CADM2: variants seen among roughly 807,000 people sequenced by gnomAD.
CADM2 encodes the protein immunoglobulin superfamily member 4D.
CADM2 carries 12 observed loss-of-function variants against 49.8 expected under a neutral mutation model. The ratio of observed to expected loss-of-function variants is 0.24; its 90% CI spans 0.15 to 0.39. The LOEUF is 0.39. Among genes scored for constraint, CADM2 ranks in the 10% least tolerant of loss-of-function variants. CADM2 has a pLI of 1.00. For synonymous variants in CADM2, 214 were observed against 175.4 expected (o/e 1.22, Z -1.74); for missense variants, 378 against 492.3 (o/e 0.77, Z 2.20).
chr3:85,782,175 C>T (rs1003609702), intron 2 of CADM2, among the ~76,000 whole-genome samples: 1 of 152,156 alleles, frequency 6.6e-6, no homozygotes, highest in African/African-American at 2.4e-5. Context: ...TGTGCTTATG[C>T]ACTTTGCTAT....
chr3:85,819,364 A>G (rs2073410980), intron 3 of CADM2, among the ~76,000 whole-genome samples: 1 of 152,152 alleles, frequency 6.6e-6, no homozygotes, highest in Non-Finnish European at 1.5e-5. Flanking sequence ...AGAAAACAAC[A>G]ATAATTTGCA....
intron 1 of CADM2, among the ~76,000 whole-genome samples, chr3:85,592,296 TGATA>T (rs1159171436): frequency 6.6e-6 from 1 of 151,964 alleles, no homozygotes; most frequent in Non-Finnish European, 1.5e-5. Context: ...AAAAAGAATT[TGATA>T]GACTGAAGAT....
At chr3:85,371,661 ATG>A (rs760996256) in intron 1 of CADM2, among the ~76,000 whole-genome samples, 3 of 53,476 alleles carry the variant, frequency 5.6e-5, no homozygotes, top group African/African-American at 1.8e-4. Context: ...ATATATATAT[ATG>A]TGTGTGTGTG....
intron 1 of CADM2, among the ~76,000 whole-genome samples, chr3:85,477,709 G>A (rs898581815): frequency 4.0e-5 from 6 of 151,792 alleles, no homozygotes; most frequent in Admixed American, 4.0e-4. Flanking sequence ...GATCTTGTTT[G>A]CACAATCTAG....
At chr3:85,753,213 A>T (rs1026380525) in intron 2 of CADM2, among the ~76,000 whole-genome samples, 1 of 152,098 alleles carries the variant, frequency 6.6e-6, no homozygotes, top group Admixed American at 6.6e-5. Flanking sequence ...TATTTTTTTC[A>T]AATGCTATGG....
chr3:85,490,691 C>G lies in CADM2; in HGVS notation c.62-235831C>G, dbSNP rs368117602. ...CAAAAGTTGGCTGTGTTTAAATGAC[C>G]CACTGTTATTACTGATATTTAACAT... is the stretch of plus-strand genomic sequence containing the variant. On this transcript the variant is annotated intron_variant, in intron 1 of 9. Transcript: ENST00000383699. Among the ~76,000 whole-genome samples the G allele has an allele frequency of 2.0e-4, 31 of 152,076 alleles. No homozygotes were observed. The East Asian group carries it at 4.8e-3, about 24-fold the overall frequency.
chr3:84,977,537 A>G (rs973256325), intron 1 of CADM2, among the ~76,000 whole-genome samples: 5 of 152,050 alleles, frequency 3.3e-5, no homozygotes, highest in African/African-American at 1.2e-4. Flanking sequence ...TAAAATTAAT[A>G]CTTGAGTCTG....
chr3:85,463,092 A>C (rs1159286754), intron 1 of CADM2, among the ~76,000 whole-genome samples: 1 of 152,164 alleles, frequency 6.6e-6, no homozygotes, highest in African/African-American at 2.4e-5. Context: ...ATTCTTATAC[A>C]TAGCAAGTTT....
At chr3:85,155,968 A>C (rs2040102804) in intron 1 of CADM2, among the ~76,000 whole-genome samples, 2 of 152,174 alleles carry the variant, frequency 1.3e-5, no homozygotes, top group South Asian at 4.1e-4. Context: ...TATAGCACTA[A>C]ATGCCCACAA....
intron 1 of CADM2, among the ~76,000 whole-genome samples, chr3:85,576,801 A>G (rs970843135): frequency 6.6e-6 from 1 of 152,208 alleles, no homozygotes; most frequent in East Asian, 1.9e-4. Flanking sequence ...TCTTAAAACT[A>G]TTACTACAGC....
chr3:85,288,792 C>CCT (rs2043701820), intron 1 of CADM2, among the ~76,000 whole-genome samples: 1 of 135,334 alleles, frequency 7.4e-6, no homozygotes, highest in South Asian at 2.8e-4. Flanking sequence ...ATGCCCCCCC[C>CCT]CCCTCTTTTT....
chr3:85,321,091 C>CATATATATATATATAT (rs1227890094), intron 1 of CADM2, among the ~76,000 whole-genome samples: 19 of 64,758 alleles, frequency 2.9e-4, no homozygotes, highest in African/African-American at 5.4e-4. Flanking sequence ...TAGATATATA[C>CATATATATATATATAT]ATATATATAT....
chr3:85,781,974 A>C (rs2070677020), intron 2 of CADM2, among the ~76,000 whole-genome samples: 1 of 152,236 alleles, frequency 6.6e-6, no homozygotes, highest in Non-Finnish European at 1.5e-5. Context: ...AACATTTTTT[A>C]GCCACTTATG....
chr3:85,448,362 C>G (rs1405024487), intron 1 of CADM2, among the ~76,000 whole-genome samples: 1 of 149,960 alleles, frequency 6.7e-6, no homozygotes, highest in Non-Finnish European at 1.5e-5. Context: ...AAAATCCTAG[C>G]AAATATATCT....
chr3:85,813,399 GT>G (rs1446792782), intron 3 of CADM2, among the ~76,000 whole-genome samples: 1 of 151,936 alleles, frequency 6.6e-6, no homozygotes, highest in East Asian at 1.9e-4. Flanking sequence ...GGGGTTGTTT[GT>G]TTTTTTCTTA....
rs1040231178 is a variant in CADM2, at chr3:85,068,484, A to G, written c.61+108816A>G. Among the ~76,000 whole-genome samples the G allele has an allele frequency of 2.6e-5, 4 of 152,266 alleles. No homozygotes were observed. In the East Asian group the frequency reaches 7.7e-4, roughly 29 times the overall value. On this transcript the variant is annotated intron_variant, in intron 1 of 9. Coordinates refer to ENST00000383699, the MANE Select transcript of CADM2 (RefSeq NM_001167675.2). Reference sequence around the variant, plus strand: ...GAGGTTGAAGTTTAAACTGGAAAAAACAAAGTTGGGACTTAGAACATTGAG... The same window carrying G: ...GAGGTTGAAGTTTAAACTGGAAAAAGCAAAGTTGGGACTTAGAACATTGAG...
intron 1 of CADM2, among the ~76,000 whole-genome samples, chr3:85,594,646 T>A (rs1412095876): frequency 6.6e-6 from 1 of 151,952 alleles, no homozygotes; most frequent in South Asian, 2.1e-4. Flanking sequence ...GTATAAGAAA[T>A]ACATATGTGA....
chr3:85,669,486 G>A (rs973839609), intron 1 of CADM2, among the ~76,000 whole-genome samples: 2 of 152,114 alleles, frequency 1.3e-5, no homozygotes, highest in African/African-American at 4.8e-5. Context: ...AATTATACTT[G>A]CATTCTTGAA....
At chr3:85,836,903 G>A (rs554265320) in intron 3 of CADM2, among the ~76,000 whole-genome samples, 1 of 151,684 alleles carries the variant, frequency 6.6e-6, no homozygotes, top group East Asian at 1.9e-4. Context: ...TCAGATAACA[G>A]GCAAAGTTAT....
Sources: allele counts gnomAD v4.1 joint callset (sites outside exome capture counted in the v4.1 genomes callset), GRCh38; gene constraint gnomAD v4.1.1; transcripts MANE v1.5; gene names NCBI Gene and HGNC (gene_info 2026-07-23, HGNC 2026-07-21).